Variants in FHIT observed in about 807,000 individuals in gnomAD.
FHIT encodes the protein fragile histidine triad diadenosine triphosphatase, also known as bis(5'-adenosyl)-triphosphatase.
In FHIT, 19 loss-of-function variants were observed where a neutral mutation model predicts 17.9. The ratio of observed to expected loss-of-function variants is 1.06; its 90% CI spans 0.74 to 1.56. FHIT has a LOEUF of 1.56. FHIT is among the 40% of genes most tolerant of loss of function. FHIT has a pLI of 0.00. For missense variants in FHIT, 248 were observed against 189.2 expected (o/e 1.31, Z -1.82); for synonymous variants, 81 against 69.7 (o/e 1.16, Z -0.81).
At chr3:60,135,150 T>A (rs1351751877) in intron 5 of FHIT, among the ~76,000 whole-genome samples, 1 of 151,976 alleles carries the variant, frequency 6.6e-6, no homozygotes, top group African/African-American at 2.4e-5. Context: ...AAAGGTGCAA[T>A]GTTTTCAAAA....
chr3:61,236,371 C>G (rs1471968978), intron 1 of FHIT, among the ~76,000 whole-genome samples: 2 of 151,782 alleles, frequency 1.3e-5, no homozygotes, highest in African/African-American at 4.8e-5. Flanking sequence ...CCAGTGACAT[C>G]TCTTGTGTTG....
rs367547692 is a variant in FHIT, at chr3:60,819,216, C to T, written c.-18+2703G>A. Among the ~76,000 whole-genome samples the T allele has an allele frequency of 3.3e-5, 5 of 152,146 alleles. No homozygotes were observed. The East Asian group carries it at 9.6e-4, about 29-fold the overall frequency. On this transcript the variant is annotated intron_variant, in intron 4 of 9. Coordinates refer to ENST00000492590, the MANE Select transcript of FHIT (RefSeq NM_002012.4). Reference sequence around the variant, plus strand: ...AAAATACTTAACCTCCGTCCATTCCCTCATTTAGTGACATTTGAGTTTGGT... The same window carrying T: ...AAAATACTTAACCTCCGTCCATTCCTTCATTTAGTGACATTTGAGTTTGGT...
chr3:59,822,045 C>A (rs1270782154), intron 8 of FHIT, among the ~76,000 whole-genome samples: 1 of 152,150 alleles, frequency 6.6e-6, no homozygotes, highest in Non-Finnish European at 1.5e-5. Context: ...TGAGAACATA[C>A]AATGTTTGGT....
intron 2 of FHIT, among the ~76,000 whole-genome samples, chr3:61,198,328 A>G (rs1333541614): frequency 6.6e-6 from 1 of 152,128 alleles, no homozygotes; most frequent in Non-Finnish European, 1.5e-5. Flanking sequence ...CCCACCTAGG[A>G]CAAGGGAGAA....
At chr3:60,020,825 T>C (rs898376831) in intron 5 of FHIT, among the ~76,000 whole-genome samples, 1 of 152,214 alleles carries the variant, frequency 6.6e-6, no homozygotes, top group Non-Finnish European at 1.5e-5. Flanking sequence ...TTACAGAGCT[T>C]TGAGTCAAAG....
chr3:59,910,114 CA>C (rs2107133864), intron 8 of FHIT, among the ~76,000 whole-genome samples: 1 of 152,266 alleles, frequency 6.6e-6, no homozygotes, highest in South Asian at 2.1e-4. Flanking sequence ...GACATGTGCC[CA>C]AGGTGATCAG....
At chr3:60,827,843 T>A (rs1553741460) in intron 3 of FHIT, among the ~76,000 whole-genome samples, 1 of 152,224 alleles carries the variant, frequency 6.6e-6, no homozygotes, top group Non-Finnish European at 1.5e-5. Context: ...GAAGCAAGGC[T>A]GAAGCCTCAC....
chr3:60,850,346 T>G (rs1703107171), intron 3 of FHIT, among the ~76,000 whole-genome samples: 1 of 98,848 alleles, frequency 1.0e-5, no homozygotes, highest in African/African-American at 3.7e-5. Context: ...TCTCTCTCTC[T>G]CTCTCTCTCT....
intron 8 of FHIT, among the ~76,000 whole-genome samples, chr3:59,815,264 T>C (rs1165919015): frequency 6.6e-6 from 1 of 152,052 alleles, no homozygotes; most frequent in African/African-American, 2.4e-5. Context: ...CTTTATAAAA[T>C]CATCTATAGC....
At chr3:60,835,807 G>C (rs1286115866) in intron 3 of FHIT, among the ~76,000 whole-genome samples, 1 of 152,062 alleles carries the variant, frequency 6.6e-6, no homozygotes, top group Non-Finnish European at 1.5e-5. Flanking sequence ...GAGGAGAGAT[G>C]AGGTCTCTCC....
At chr3:60,632,067 G>T (rs184279047) in intron 4 of FHIT, among the ~76,000 whole-genome samples, 6 of 142,518 alleles carry the variant, frequency 4.2e-5, no homozygotes, top group Non-Finnish European at 9.1e-5. Context: ...TGGCTGGGGA[G>T]AATTTGGGAA....
chr3:60,275,241 A>G (rs1414440853), intron 5 of FHIT, among the ~76,000 whole-genome samples: 1 of 151,970 alleles, frequency 6.6e-6, no homozygotes, highest in East Asian at 1.9e-4. Flanking sequence ...AAAAAAAAAA[A>G]AAAACTATGA....
chr3:61,179,110 A>G (rs900791500), intron 2 of FHIT, among the ~76,000 whole-genome samples: 1 of 149,816 alleles, frequency 6.7e-6, no homozygotes, highest in Admixed American at 6.7e-5. Flanking sequence ...TCCTTGTTCA[A>G]GCAATTCTCC....
chr3:60,649,397 A>G (rs1553687654), intron 4 of FHIT, among the ~76,000 whole-genome samples: 2 of 152,134 alleles, frequency 1.3e-5, no homozygotes, highest in African/African-American at 4.8e-5. Context: ...GCGAGAGTCC[A>G]TCTCAAAAAA....
At chr3:61,108,851 A>C (rs1241644272) in intron 2 of FHIT, among the ~76,000 whole-genome samples, 6 of 152,218 alleles carry the variant, frequency 3.9e-5, no homozygotes, top group African/African-American at 1.4e-4. Context: ...CTATAATGGC[A>C]GATATGATTA....
intron 7 of FHIT, among the ~76,000 whole-genome samples, chr3:59,973,673 G>C (rs944938518): frequency 1.2e-4 from 19 of 152,034 alleles, no homozygotes; most frequent in African/African-American, 4.6e-4. Flanking sequence ...CAAGAACCAT[G>C]TTAGATTTTG....
In FHIT at chr3:60,333,959, C is replaced by G. The variant is rs186473874; in HGVS notation, c.103+202901G>C. Reference sequence around the variant, plus strand: ...CCCCTCCCTAATTCCTGTTTTCCTACACATGGTTACATTTCTTCTCTGCCT... The same window carrying G: ...CCCCTCCCTAATTCCTGTTTTCCTAGACATGGTTACATTTCTTCTCTGCCT... On this transcript the variant is annotated intron_variant, in intron 5 of 9. Transcript: ENST00000492590. Among the ~76,000 whole-genome samples, 3 of 114,416 alleles carry G rather than the reference C, an allele frequency of 2.6e-5. No individual in the cohort carries two copies. The Admixed American group carries it at 3.0e-4, about 11-fold the overall frequency. The allele number at this position is 114,416 out of a possible 152,430, so 75.1% of individuals were successfully genotyped here. A position where few individuals can be genotyped will look rare whatever the true frequency, so the allele number is the denominator to read the frequency against.
chr3:61,073,358 G>C (rs1363537194), intron 2 of FHIT, among the ~76,000 whole-genome samples: 1 of 152,128 alleles, frequency 6.6e-6, no homozygotes, highest in East Asian at 1.9e-4. Flanking sequence ...TCTAAAAATG[G>C]TATTCATAAG....
chr3:60,087,365 T>C (rs1576069620), intron 5 of FHIT, among the ~76,000 whole-genome samples: 1 of 152,212 alleles, frequency 6.6e-6, no homozygotes, highest in East Asian at 1.9e-4. Flanking sequence ...TTAATCATGC[T>C]AATCTCTTTA....
Sources: gnomAD v4.1 joint callset for allele counts (sites outside exome capture counted in the v4.1 genomes callset) on GRCh38, gnomAD v4.1.1 for gene constraint, MANE v1.5 for transcripts, NCBI Gene and HGNC (gene_info 2026-07-23, HGNC 2026-07-21) for gene names.